Variants in CLVS2 observed in about 807,000 individuals in gnomAD.
CLVS2 encodes clavesin 2.
Under a neutral mutation model 29.0 loss-of-function variants are expected in CLVS2, and 19 were observed. That is an observed-to-expected ratio of 0.66 (90% CI 0.46 to 0.96). The LOEUF (loss-of-function observed/expected upper bound fraction) is 0.96. CLVS2 is among the 40% of genes least tolerant of loss of function. The pLI, the probability that CLVS2 is intolerant of heterozygous loss-of-function variation, is 0.00. For missense variants in CLVS2, 294 were observed against 404.1 expected, an observed-to-expected ratio of 0.73 and a Z score of 2.34; for synonymous variants, 161 against 151.3, an observed-to-expected ratio of 1.06 and a Z score of -0.47.
chr6:123,060,498 CTCTATGTATGTTGAT>C (rs1772758922), intron 5 of CLVS2, among the ~76,000 whole-genome samples: 2 of 152,220 alleles, frequency 1.3e-5, no homozygotes, highest in Admixed American at 1.3e-4. Flanking sequence ...TGTTCCAATG[CTCTATGTATGTTGAT>C]TCATTTGCTT....
At chr6:123,060,568 G>A (rs767945349) in intron 5 of CLVS2, among the ~76,000 whole-genome samples, 1 of 152,166 alleles carries the variant, frequency 6.6e-6, no homozygotes, top group Non-Finnish European at 1.5e-5. Context: ...TTTATTGATA[G>A]AGAGACTGAG....
chr6:123,054,389 C>T (rs745929595), intron 4 of CLVS2, among the ~76,000 whole-genome samples: 2 of 152,114 alleles, frequency 1.3e-5, no homozygotes, highest in East Asian at 1.9e-4. Flanking sequence ...TGGCCTCTTC[C>T]ACCTCCTGTG....
At chr6:123,019,167 C>G (rs1478929046) in intron 3 of CLVS2, among the ~76,000 whole-genome samples, 1 of 152,018 alleles carries the variant, frequency 6.6e-6, no homozygotes, top group African/African-American at 2.4e-5. Flanking sequence ...TTGCATTCCA[C>G]TGGCTAGAAC....
chr6:123,010,041 C>A (rs1012838994), intron 2 of CLVS2, among the ~76,000 whole-genome samples: 1 of 151,986 alleles, frequency 6.6e-6, no homozygotes, highest in South Asian at 2.1e-4. Flanking sequence ...CCAACAGTAT[C>A]CTATTTTTGC....
intron 4 of CLVS2, among the ~76,000 whole-genome samples, chr6:123,053,913 C>G (rs944403890): frequency 8.5e-5 from 13 of 152,100 alleles, no homozygotes; most frequent in Non-Finnish European, 1.5e-4. Flanking sequence ...TAGGGTTTAT[C>G]TGTTCATTGT....
In CLVS2 at chr6:123,071,268, T is replaced by A. The variant is rs1246458010; in HGVS notation, c.*7507T>A. The A allele has an allele frequency of 6.6e-6, 1 of 152,020 alleles. No homozygotes were observed. The allele number at this position is 152,020 out of a possible 1,614,324, so 9.4% of individuals were successfully genotyped here. The stretch of plus-strand genomic sequence containing the variant: ...TATGAATTGAAAGAGTTTCTTGTTG[T>A]CTTAATTTAAAAAATTTTGTTATTT... On this transcript the variant is annotated 3_prime_UTR_variant, in exon 6 of 6. Coordinates refer to ENST00000275162, the MANE Select transcript of CLVS2 (RefSeq NM_001010852.4).
chr6:123,056,579 T>C (rs1346529953), intron 5 of CLVS2, among the ~76,000 whole-genome samples: 3 of 152,220 alleles, frequency 2.0e-5, no homozygotes, highest in African/African-American at 7.2e-5. Flanking sequence ...TTGTTCCAAA[T>C]TCACAGACAG....
intron 5 of CLVS2, 116 bp from the exon 6 acceptor site, chr6:123,063,558 T>G: frequency 1.6e-6 from 1 of 615,082 alleles, no homozygotes. Flanking sequence ...ATAAATTTCT[T>G]GATATAGAGG....
intron 4 of CLVS2, among the ~76,000 whole-genome samples, chr6:123,052,077 T>C (rs1018401820): frequency 2.0e-5 from 3 of 146,836 alleles, no homozygotes; most frequent in Non-Finnish European, 4.6e-5. Flanking sequence ...AAGAGCATTA[T>C]ACTTAATGAA....
chr6:123,007,978 G>A (rs376325245), intron 2 of CLVS2, among the ~76,000 whole-genome samples: 11 of 152,108 alleles, frequency 7.2e-5, no homozygotes, highest in African/African-American at 2.4e-4. Flanking sequence ...TATGGCAGGA[G>A]TCCTGAAGAG....
At chr6:122,998,580 C>T (rs1448835497) in intron 2 of CLVS2, among the ~76,000 whole-genome samples, 1 of 152,204 alleles carries the variant, frequency 6.6e-6, no homozygotes, top group East Asian at 1.9e-4. Flanking sequence ...TCATTGTCAT[C>T]ATCATCATCA....
chr6:123,007,772 C>T (rs571378688), intron 2 of CLVS2, among the ~76,000 whole-genome samples: 26 of 152,240 alleles, frequency 1.7e-4, no homozygotes, highest in African/African-American at 6.3e-4. Flanking sequence ...TTTTGAGAAG[C>T]ACAATCAGGA....
rs1772687535 is a variant in CLVS2 at position 123,055,957 on chromosome 6, A to G, written c.827A>G (p.Tyr276Cys). 3.7e-6 allele frequency: 6 copies of G among 1,613,970 alleles called. No homozygotes were observed. The highest frequency in any genetic ancestry group is 4.2e-6 in the Non-Finnish European group (5 of 1,179,990). Residue 276 changes from tyrosine (Y) to cysteine (C), a missense_variant, in exon 5 of 6, where the codon TAC becomes TGC. Coordinates refer to ENST00000275162, the MANE Select transcript of CLVS2 (RefSeq NM_001010852.4). ...LDHEYDDDSE[Y>C]NVDSYSMPVK... ...CATGAATATGACGATGACAGCGAGT[A>G]CAATGTAGACTCCTACAGCATGCCT...
Position 122,997,554 on chromosome 6 carries a change from G to T in CLVS2, c.-224G>T. The T allele has an allele frequency of 1.7e-6, 1 of 588,666 alleles. No homozygotes were observed. Among genetic ancestry groups the T allele is most frequent in the Non-Finnish European group, 3.1e-6 (1 of 325,062 alleles). The allele number at this position is 588,666 out of a possible 1,614,324, so 36.5% of individuals were successfully genotyped here. A position where few individuals can be genotyped will look rare whatever the true frequency, so the allele number is the denominator to read the frequency against. ...CCAAAGTAGGGTGTTGTATTTTAGG[G>T]GGCAGAGGAAGAAGTTTACACCCCC... On this transcript the variant is annotated 5_prime_UTR_variant, in exon 2 of 6. Transcript: ENST00000275162.
intron 3 of CLVS2, among the ~76,000 whole-genome samples, chr6:123,045,735 C>G (rs1184550726): frequency 6.6e-6 from 1 of 152,134 alleles, no homozygotes; most frequent in Non-Finnish European, 1.5e-5. Context: ...ATTTAAGGAG[C>G]TCACGGTTTA....
Position 122,997,500 on chromosome 6 carries a change from C to T in CLVS2, c.-278C>T, listed in dbSNP as rs1448429153. On this transcript the variant is annotated 5_prime_UTR_variant, in exon 2 of 6. Coordinates refer to ENST00000275162, the MANE Select transcript of CLVS2 (RefSeq NM_001010852.4). ...GAGTGCGGAGCCCTTCAGGGGTTCA[C>T]ATCTCTTTAAAGGAAAGGAAAGAGG... 25 of 482,768 alleles carry T rather than the reference C, an allele frequency of 5.2e-5. No homozygotes were observed. In the East Asian group the frequency reaches 8.6e-4, roughly 17 times the overall value. The allele number at this position is 482,768 out of a possible 1,614,324, so 29.9% of individuals were successfully genotyped here. A position where few individuals can be genotyped will look rare whatever the true frequency, so the allele number is the denominator to read the frequency against.
rs143411809 is a variant in CLVS2, at chr6:123,056,372, C to G, written c.896+346C>G. 4.1e-3 allele frequency among the ~76,000 whole-genome samples: 619 copies of G among 152,226 alleles called. 10 individuals are homozygous for G. The highest frequency in any genetic ancestry group is 0.014 in the African/African-American group (572 of 41,534). ...TGATGAATATCTCCCTATCCACCCCCCCAAACCATCCTGCCTCATCCCAGT... is the reference window on the plus strand; with the variant it reads ...TGATGAATATCTCCCTATCCACCCCGCCAAACCATCCTGCCTCATCCCAGT... On this transcript the variant is annotated intron_variant, in intron 5 of 5. Transcript: ENST00000275162.
intron 4 of CLVS2, among the ~76,000 whole-genome samples, chr6:123,052,459 T>C (rs1291843021): frequency 6.6e-6 from 1 of 152,188 alleles, no homozygotes; most frequent in Non-Finnish European, 1.5e-5. Context: ...AGGAGAAAGA[T>C]ATGACCTGAC....
chr6:123,023,760 G>T (rs1324380482), intron 3 of CLVS2, among the ~76,000 whole-genome samples: 2 of 152,044 alleles, frequency 1.3e-5, no homozygotes, highest in African/African-American at 4.8e-5. Flanking sequence ...TTAGACTTTA[G>T]AATCAAGCAT....
Sources: gnomAD v4.1 joint callset for allele counts (sites outside exome capture counted in the v4.1 genomes callset) on GRCh38, gnomAD v4.1.1 for gene constraint, MANE v1.5 for transcripts, NCBI Gene and HGNC (gene_info 2026-07-23, HGNC 2026-07-21) for gene names.